The following KIF13B variants were observed in gnomAD, a reference collection of about 807,000 sequenced individuals.
The protein encoded by KIF13B is kinesin family member 13B, also known as kinesin-like protein KIF13B.
In KIF13B, 127 loss-of-function variants were observed where a neutral mutation model predicts 222.0. The observed-to-expected ratio is 0.57, with a 90% CI of 0.50 to 0.66. The LOEUF is 0.66. Among genes scored for constraint, KIF13B ranks in the 30% least tolerant of loss-of-function variants. The pLI is 0.00. For missense variants in KIF13B, 2,173 were observed against 2,379.0 expected, an observed-to-expected ratio of 0.91 and a Z score of 1.80; for synonymous variants, 976 against 919.0, an observed-to-expected ratio of 1.06 and a Z score of -1.12.
In KIF13B at chr8:29,070,384, A is replaced by G; in HGVS notation, c.*120T>C. The G allele has an allele frequency of 1.8e-6, 2 of 1,119,214 alleles. No individual in the cohort carries two copies. The highest frequency in any genetic ancestry group is 2.8e-5 in the South Asian group (2 of 71,070). 69.3% of individuals were successfully genotyped at this position (1,119,214 alleles called of 1,614,324 possible). On this transcript the variant is annotated 3_prime_UTR_variant, in exon 40 of 40. Coordinates refer to ENST00000524189, the MANE Select transcript of KIF13B (RefSeq NM_015254.4). The surrounding 1 kb of genome is among the most constrained non-coding windows in gnomAD (Gnocchi z 4.1). ...GTCACCAGCCCTGTGTCGTGCAAAA[A>G]GCATTCATCGCCCTGCCCCTGGGGA...
intron 6 of KIF13B, among the ~76,000 whole-genome samples, chr8:29,185,531 A>G (rs867517465): frequency 7.2e-5 from 11 of 152,182 alleles, no homozygotes; most frequent in African/African-American, 2.7e-4. Context: ...TAGAATCCTA[A>G]AGATTATCAT....
chr8:29,142,282 GCTCA>G lies in KIF13B; in HGVS notation c.2205_2208del (p.Glu736LeufsTer5), dbSNP rs1810850800. On this transcript the variant is annotated frameshift_variant, in exon 19 of 40. Coordinates refer to ENST00000524189, the MANE Select transcript of KIF13B (RefSeq NM_015254.4). LOFTEE classifies it high-confidence loss of function. Reference sequence around the variant, plus strand: ...CCTTTTCTTCTCACCTGGATTGCAGGCTCACTAAGAAGAGAGCCTCGCTGCAAAG... The same window carrying G: ...CCTTTTCTTCTCACCTGGATTGCAGGCTAAGAAGAGAGCCTCGCTGCAAAG... The G allele has an allele frequency of 6.2e-7, 1 of 1,612,946 alleles. No homozygotes were observed. The highest frequency in any genetic ancestry group is 8.5e-7 in the Non-Finnish European group (1 of 1,179,478).
chr8:29,138,403 T>C (rs950505459), intron 21 of KIF13B: 2 of 145,346 alleles, frequency 1.4e-5, no homozygotes, highest in East Asian at 2.0e-4. Flanking sequence ...TCCTTTTCTA[T>C]ACAAATTATC....
Position 29,148,718 on chromosome 8 carries a change from G to C in KIF13B, c.1672C>G (p.Gln558Glu), listed in dbSNP as rs1811172659. 1 of 1,608,314 alleles carries C rather than the reference G, an allele frequency of 6.2e-7. No homozygotes were observed. Among genetic ancestry groups the C allele is most frequent in the African/African-American group, 1.3e-5 (1 of 74,842 alleles). ...TTCTCGTTCTTCATGGAGGGATCCT[G>C]GTCCTCATCCTCTCGTTCTGCTTTC... ...KKKAEREDED[Q>E]DPSMKNENSS... The change falls in exon 16 of 40, where the codon CAG becomes GAG. Residue 558 changes from glutamine (Q) to glutamate (E), a missense_variant. Around this residue, in one of 2 missense-constraint regions of KIF13B, gnomAD observed 1,480 missense variants for 1,722.8 expected, o/e 0.86. Transcript: ENST00000524189.
upstream of KIF13B, chr8:29,263,230 C>T: frequency 1.8e-6 from 1 of 548,378 alleles, no homozygotes. Context: ...GTGGGCGGGG[C>T]CGCAGCGAAG....
At chr8:29,207,364 T>A (rs969144555) in intron 2 of KIF13B, among the ~76,000 whole-genome samples, 4 of 152,074 alleles carry the variant, frequency 2.6e-5, no homozygotes, top group Non-Finnish European at 5.9e-5. Context: ...GACTTCCAAT[T>A]CCCTTGGGTC....
In KIF13B at chr8:29,075,317, T is replaced by C; in HGVS notation, c.4485A>G (p.Ser1495=). ...HQPVPRIMVQ[S]ASPDIRVTRM... The stretch of plus-strand genomic sequence containing the variant: ...TGGTCACCCTGATGTCCGGGCTGGC[T>C]GACTGCACCATGATGCGGGGCACGG... Residue 1495 remains serine (S), a synonymous_variant, in exon 38 of 40, where the codon TCA becomes TCG. Coordinates refer to ENST00000524189, the MANE Select transcript of KIF13B (RefSeq NM_015254.4). 6.4e-7 allele frequency: 1 copy of C among 1,559,774 alleles called. No homozygotes were observed.
intron 18 of KIF13B, 44 bp from the exon 19 acceptor site, chr8:29,142,347 G>C: frequency 6.4e-7 from 1 of 1,564,016 alleles, no homozygotes; most frequent in Non-Finnish European, 8.7e-7. Context: ...CACAGGCAGC[G>C]GGGAAGTCAA....
Position 29,148,783 on chromosome 8 carries a change from A to G in KIF13B, c.1623-16T>C. 6.4e-7 allele frequency: 1 copy of G among 1,572,808 alleles called. No individual in the cohort carries two copies. Among genetic ancestry groups the G allele is most frequent in the East Asian group, 2.3e-5 (1 of 43,940 alleles). On this transcript the variant is annotated splice_polypyrimidine_tract_variant and intron_variant, in intron 15 of 39. Transcript: ENST00000524189. The stretch of plus-strand genomic sequence containing the variant: ...CAAATTGAGTCTTGGTGGGAAAAAG[A>G]GTATTATTTTCTGAAGTTAAGATAG...
chr8:29,193,170 C>A (rs1813265252), intron 3 of KIF13B, among the ~76,000 whole-genome samples: 1 of 152,148 alleles, frequency 6.6e-6, no homozygotes, highest in Admixed American at 6.5e-5. Context: ...GAAAGCAGAC[C>A]CCCAGCGGCT....
chr8:29,199,574 CAA>C (rs10579222), intron 2 of KIF13B, among the ~76,000 whole-genome samples: 71,426 of 119,150 alleles, frequency 0.6, 20,803 homozygotes, highest in Non-Finnish European at 0.67. Context: ...TTCCAAAATC[CAA>C]AAAAAAAAAA....
intron 2 of KIF13B, among the ~76,000 whole-genome samples, chr8:29,217,864 AC>A (rs369118539): frequency 1.3e-5 from 2 of 151,766 alleles, no homozygotes; most frequent in Non-Finnish European, 2.9e-5. Context: ...CTATCAGGAC[AC>A]CCCCCCACAA....
intron 35 of KIF13B, among the ~76,000 whole-genome samples, chr8:29,107,335 C>G (rs1396854096): frequency 6.6e-6 from 1 of 151,934 alleles, no homozygotes; most frequent in African/African-American, 2.4e-5. Flanking sequence ...TGAGACCAGC[C>G]TGGCCAACAC....
chr8:29,118,398 G>A (rs1809702492), intron 30 of KIF13B, among the ~76,000 whole-genome samples: 1 of 151,986 alleles, frequency 6.6e-6, no homozygotes, highest in Non-Finnish European at 1.5e-5. Flanking sequence ...GGGAGGCTGA[G>A]GCAGGAGAAT....
intron 2 of KIF13B, among the ~76,000 whole-genome samples, chr8:29,200,644 T>C (rs28699286): frequency 5.9e-5 from 9 of 152,080 alleles, no homozygotes; most frequent in Admixed American, 5.9e-4. Flanking sequence ...AAATAACCTA[T>C]AGACAACCTC....
intron 37 of KIF13B, among the ~76,000 whole-genome samples, chr8:29,084,915 G>A (rs183618371): frequency 3.3e-4 from 51 of 152,292 alleles, no homozygotes; most frequent in Admixed American, 1.3e-3. Flanking sequence ...TTTGTCAGCT[G>A]CCACCTCTTT....
intron 10 of KIF13B, among the ~76,000 whole-genome samples, chr8:29,169,890 C>G (rs148971712): frequency 3.3e-5 from 5 of 152,226 alleles, no homozygotes; most frequent in Admixed American, 2.0e-4. Context: ...TGTCAGCCCA[C>G]GTGAACAGCA....
chr8:29,240,029 C>A (rs1414173772), intron 2 of KIF13B, among the ~76,000 whole-genome samples: 2 of 135,204 alleles, frequency 1.5e-5, no homozygotes, highest in African/African-American at 2.8e-5. Context: ...AAAAGAAACA[C>A]AAAAGAGGAA....
chr8:29,075,324 A>G lies in KIF13B; in HGVS notation c.4478T>C (p.Val1493Ala). The stretch of plus-strand genomic sequence containing the variant: ...CCTGATGTCCGGGCTGGCTGACTGC[A>G]CCATGATGCGGGGCACGGGCTGAGG... ...LAHQPVPRIM[V>A]QSASPDIRVT... is the part of the protein sequence containing the mutation. The change falls in exon 38 of 40, where the codon GTG becomes GCG. Residue 1493 changes from valine (V) to alanine (A), a missense_variant. Around this residue, in one of 2 missense-constraint regions of KIF13B, gnomAD observed 693 missense variants for 656.2 expected, o/e 1.06. Coordinates refer to ENST00000524189, the MANE Select transcript of KIF13B (RefSeq NM_015254.4). 6.4e-7 allele frequency: 1 copy of G among 1,559,782 alleles called. No individual in the cohort carries two copies. Among genetic ancestry groups the G allele is most frequent in the South Asian group, 1.2e-5 (1 of 84,454 alleles).
Sources: gnomAD v4.1 joint callset for allele counts (sites outside exome capture counted in the v4.1 genomes callset) on GRCh38, gnomAD v4.1.1 for gene constraint, gnomAD v4.1.1 regional missense constraint, Gnocchi (gnomAD v3.1) non-coding constraint, MANE v1.5 for transcripts, NCBI Gene and HGNC (gene_info 2026-07-23, HGNC 2026-07-21) for gene names.